Variants in POM121L2 observed in about 807,000 individuals in gnomAD.
The protein encoded by POM121L2 is POM121-like protein 2.
For missense variants in POM121L2, 1,167 were observed against 1,260.3 expected (o/e 0.93, Z 1.12); for synonymous variants, 459 against 483.8 (o/e 0.95, Z 0.67).
In POM121L2 at chr6:27,310,452, T is replaced by A. The variant is rs1398208653; in HGVS notation, c.1719A>T (p.Leu573Phe). The change falls in exon 1 of 1, where the codon TTA becomes TTT. Residue 573 changes from leucine (L) to phenylalanine (F), a missense_variant. Coordinates refer to ENST00000444565, the MANE Select transcript of POM121L2 (RefSeq NM_033482.4). ...ISSLSTIQGT[L>F]TPTFKPIFGS... ...CAAAGATAGGCTTGAAGGTAGGAGT[T>A]AAGGTACCCTGAATTGTGGAAAGGG... is the stretch of plus-strand genomic sequence containing the variant. The A allele has an allele frequency of 6.4e-7, 1 of 1,552,224 alleles. No individual in the cohort carries two copies. Among genetic ancestry groups the A allele is most frequent in the Non-Finnish European group, 8.7e-7 (1 of 1,147,118 alleles).
Position 27,312,051 on chromosome 6 carries a change from C to T in POM121L2, c.120G>A (p.Arg40=), listed in dbSNP as rs1036814771. 24 of 1,523,826 alleles carry T rather than the reference C, an allele frequency of 1.6e-5. No individual in the cohort carries two copies. In the African/African-American group the frequency reaches 2.9e-4, roughly 18 times the overall value. The allele number at this position is 1,523,826 out of a possible 1,614,324, so 94.4% of individuals were successfully genotyped here. A position where few individuals can be genotyped will look rare whatever the true frequency, so the allele number is the denominator to read the frequency against. The change falls in exon 1 of 1, where the codon CGG becomes CGA. Residue 40 remains arginine, a synonymous_variant. Coordinates refer to ENST00000444565, the MANE Select transcript of POM121L2 (RefSeq NM_033482.4). This position sits in a 1 kb window ranked among gnomAD's most constrained non-coding sequence, Gnocchi z 6.7. ...RPPQPLHQVH[R]VQFVHRAHPA... ...GGTGGGCGCGGTGGACGAACTGAAC[C>T]CGATGAACTTGGTGAAGGGGCTGAG... is the stretch of plus-strand genomic sequence containing the variant.
Position 27,311,502 on chromosome 6 carries a change from G to A in POM121L2, c.669C>T (p.Gly223=), listed in dbSNP as rs1561790860. ...GPLKRSLHSW[G]SDHSLTKRPN... ...GCCTCTTAGTCAAGCTGTGATCTGA[G>A]CCCCAGGAGTGGAGACTTCTCTTCA... The change falls in exon 1 of 1, where the codon GGC becomes GGT. Residue 223 remains glycine, a synonymous_variant. Transcript: ENST00000444565. The A allele has an allele frequency of 1.2e-5, 19 of 1,551,686 alleles. No homozygotes were observed. The highest frequency in any genetic ancestry group is 1.7e-5 in the Non-Finnish European group (19 of 1,147,024).
In POM121L2 at chr6:27,309,802, G is replaced by C. The variant is rs1156926104; in HGVS notation, c.2369C>G (p.Ala790Gly). Residue 790 changes from alanine (A) to glycine (G), a missense_variant, in exon 1 of 1, where the codon GCC becomes GGC. Transcript: ENST00000444565. ...AGAACTACTGACACTTGGCATAAGG[G>C]CTGGCTGGGAAGGCCCTTGTTTCTG... Reference protein sequence around the residue: ...NGQKQGPSQPALMPSVSSSFL... With the variant: ...NGQKQGPSQPGLMPSVSSSFL... The C allele has an allele frequency of 2.6e-6, 4 of 1,551,662 alleles. No homozygotes were observed. The Admixed American group carries it at 7.8e-5, about 30-fold the overall frequency.
Position 27,311,291 on chromosome 6 carries a change from G to T in POM121L2, c.880C>A (p.Arg294=), listed in dbSNP as rs779874635. The change falls in exon 1 of 1, where the codon CGG becomes AGG. Residue 294 remains arginine, a synonymous_variant. Coordinates refer to ENST00000444565, the MANE Select transcript of POM121L2 (RefSeq NM_033482.4). ...ACCAGTGGGACTGGAGAGGAAGGCC[G>T]ATGACAACTTTTTTCCTTTTTTATT... ...WPIKKEKSCH[R]PSSPVPLVSD... is the part of the protein sequence containing the mutation. 1.9e-6 allele frequency: 3 copies of T among 1,551,606 alleles called. No homozygotes were observed. The highest frequency in any genetic ancestry group is 2.6e-6 in the Non-Finnish European group (3 of 1,147,028).
rs564628828 is a variant in POM121L2 at position 27,310,235 on chromosome 6, C to G, written c.1936G>C (p.Val646Leu). ...TTGCCTACGGCACTGGTGACATTCA[C>G]TACACCAAAATCCAAAGGTGGCTTA... ...VFKPPLDFGV[V>L]NVTSAVGNTY... Residue 646 changes from valine to leucine, a missense_variant, in exon 1 of 1, where the codon GTG (valine) becomes CTG (leucine). By Grantham distance (32) the Val-to-Leu change is conservative. Coordinates refer to ENST00000444565, the MANE Select transcript of POM121L2 (RefSeq NM_033482.4). 3 of 1,552,390 alleles carry G rather than the reference C, an allele frequency of 1.9e-6. No homozygotes were observed. Among genetic ancestry groups the G allele is most frequent in the African/African-American group, 1.4e-5 (1 of 73,194 alleles).
chr6:27,312,087 T>C lies in POM121L2; in HGVS notation c.84A>G (p.Lys28=). ...GGTGAAGGGGCTGAGGTGGCCGGCG[T>C]TTCGTGGGCCTCTCGGGCAAGTCGG... The part of the protein sequence containing the change: ...VRTDLPERPT[K]RRPPQPLHQV... Residue 28 remains lysine (K), a synonymous_variant, in exon 1 of 1, where the codon AAA becomes AAG. Coordinates refer to ENST00000444565, the MANE Select transcript of POM121L2 (RefSeq NM_033482.4). The surrounding 1 kb of genome is among the most constrained non-coding windows in gnomAD (Gnocchi z 6.7). 6.7e-7 allele frequency: 1 copy of C among 1,485,126 alleles called. No homozygotes were observed. Among genetic ancestry groups the C allele is most frequent in the Non-Finnish European group, 9.0e-7 (1 of 1,115,720 alleles). 92.0% of individuals were successfully genotyped at this position (1,485,126 alleles called of 1,614,324 possible). A position where few individuals can be genotyped will look rare whatever the true frequency, so the allele number is the denominator to read the frequency against.
chr6:27,308,593 T>A lies in POM121L2; in HGVS notation c.*470A>T, dbSNP rs1467597379. On this transcript the variant is annotated 3_prime_UTR_variant, in exon 1 of 1. Coordinates refer to ENST00000444565, the MANE Select transcript of POM121L2 (RefSeq NM_033482.4). Reference sequence around the variant, plus strand: ...CATTATGCTGAGTGAAGGAAGCCAGTCTCCAAAGGTTACATACTGTTTGAT... The same window carrying A: ...CATTATGCTGAGTGAAGGAAGCCAGACTCCAAAGGTTACATACTGTTTGAT... Among the ~76,000 whole-genome samples the A allele has an allele frequency of 6.6e-6, 1 of 152,186 alleles. No homozygotes were observed. Among genetic ancestry groups the A allele is most frequent in the African/African-American group, 2.4e-5 (1 of 41,452 alleles).
rs1760715036 is a variant in POM121L2, at chr6:27,309,548, C to T, written c.2623G>A (p.Gly875Arg). 6.4e-7 allele frequency: 1 copy of T among 1,551,998 alleles called. No individual in the cohort carries two copies. The highest frequency in any genetic ancestry group is 8.7e-7 in the Non-Finnish European group (1 of 1,147,110). The change falls in exon 1 of 1, where the codon GGG becomes AGG. Residue 875 changes from glycine to arginine, a missense_variant. Coordinates refer to ENST00000444565, the MANE Select transcript of POM121L2 (RefSeq NM_033482.4). Reference protein sequence around the residue: ...FRIVIQTHQSGAFGSVFGSRA... With the variant: ...FRIVIQTHQSRAFGSVFGSRA... ...CTGCCAAACACTGAGCCAAAAGCCC[C>T]ACTTTGGTGGGTCTGAATTACAATT... is the stretch of plus-strand genomic sequence containing the variant.
rs1760703638 is a variant in POM121L2 at position 27,308,830 on chromosome 6, G to A, written c.*233C>T. On this transcript the variant is annotated 3_prime_UTR_variant, in exon 1 of 1. Coordinates refer to ENST00000444565, the MANE Select transcript of POM121L2 (RefSeq NM_033482.4). ...AGAGTGGACAGGAAGGGGAAGGCGA[G>A]GTTCTGTTCAAGTCCAATGGGTTTG... Among the ~76,000 whole-genome samples the A allele has an allele frequency of 6.6e-6, 1 of 152,152 alleles. No homozygotes were observed. Among genetic ancestry groups the A allele is most frequent in the African/African-American group, 2.4e-5 (1 of 41,426 alleles).
At position 27,310,854 on chromosome 6, in the gene POM121L2, G is replaced by C; in HGVS notation, c.1317C>G (p.Ser439Arg). 2 of 1,551,718 alleles carry C rather than the reference G, an allele frequency of 1.3e-6. No individual in the cohort carries two copies. The highest frequency in any genetic ancestry group is 1.7e-6 in the Non-Finnish European group (2 of 1,146,974). ...SVAHSPLKTP[S>R]LPTPPGCSQS... ...GTGAGCACCCAGGTGGGGTCGGTAG[G>C]CTGGGTGTCTTCAAAGGAGAATGGG... Residue 439 changes from serine to arginine, a missense_variant, in exon 1 of 1, where the codon AGC (serine) becomes AGG (arginine). By Grantham distance (110) the Ser-to-Arg change is moderately radical. Transcript: ENST00000444565.
chr6:27,309,279 C>T lies in POM121L2; in HGVS notation c.2892G>A (p.Lys964=). The T allele has an allele frequency of 6.4e-7, 1 of 1,551,584 alleles. No homozygotes were observed. Residue 964 remains lysine, a synonymous_variant, in exon 1 of 1, where the codon AAG becomes AAA. Transcript: ENST00000444565. ...SLGRGSISAR[K]TMAPIAQNTP... The stretch of plus-strand genomic sequence containing the variant: ...TGTTTTGAGCAATGGGGGCCATAGT[C>T]TTTCTTGCAGAAATGCTGCCTCTCC...
Position 27,311,838 on chromosome 6 carries a change from G to C in POM121L2, c.333C>G (p.Pro111=). 1 of 1,551,770 alleles carries C rather than the reference G, an allele frequency of 6.4e-7. No homozygotes were observed. The highest frequency in any genetic ancestry group is 8.7e-7 in the Non-Finnish European group (1 of 1,147,012). ...LKRTIWSLRH[P]RPIWSPVTIR... is the part of the protein sequence containing the mutation. ...TGGTCACTGGGCTCCAAATTGGCCTGGGATGTCGAAGAGACCAAATAGTCC... is the reference window on the plus strand; with the variant it reads ...TGGTCACTGGGCTCCAAATTGGCCTCGGATGTCGAAGAGACCAAATAGTCC... The change falls in exon 1 of 1, where the codon CCC becomes CCG. Residue 111 remains proline (P), a synonymous_variant. Coordinates refer to ENST00000444565, the MANE Select transcript of POM121L2 (RefSeq NM_033482.4).
chr6:27,311,526 C>T lies in POM121L2; in HGVS notation c.645G>A (p.Leu215=). The part of the protein sequence containing the change: ...LTSFVPRPGP[L]KRSLHSWGSD... ...AGCCCCAGGAGTGGAGACTTCTCTT[C>T]AGCGGCCCAGGCCTGGGCACAAAAG... Residue 215 remains leucine (L), a synonymous_variant, in exon 1 of 1, where the codon CTG becomes CTA. Coordinates refer to ENST00000444565, the MANE Select transcript of POM121L2 (RefSeq NM_033482.4). 6.4e-7 allele frequency: 1 copy of T among 1,551,774 alleles called. No individual in the cohort carries two copies. The highest frequency in any genetic ancestry group is 8.7e-7 in the Non-Finnish European group (1 of 1,147,022).
In POM121L2 at chr6:27,310,476, G is replaced by A. The variant is rs1760729580; in HGVS notation, c.1695C>T (p.Ser565=). ...TTAAGGTACCCTGAATTGTGGAAAG[G>A]GAAGAGATTGAAGATGCTGCAGCTG... The part of the protein sequence containing the change: ...SVTAAASSIS[S]LSTIQGTLTP... The change falls in exon 1 of 1, where the codon TCC becomes TCT. Residue 565 remains serine (S), a synonymous_variant. Coordinates refer to ENST00000444565, the MANE Select transcript of POM121L2 (RefSeq NM_033482.4). 5.8e-6 allele frequency: 9 copies of A among 1,552,176 alleles called. No homozygotes were observed. Among genetic ancestry groups the A allele is most frequent in the African/African-American group, 1.4e-5 (1 of 73,030 alleles).
Position 27,309,361 on chromosome 6 carries a change from T to C in POM121L2, c.2810A>G (p.Lys937Arg), listed in dbSNP as rs1315151284. ...GCCTTCAGTGTTCTGGCTCCAGCCT[T>C]TTCCAAAGGGGATCATGGTGTTAGT... ...GTTNTMIPFGKGWSQNTEGLP... is the reference protein window; with the variant it reads ...GTTNTMIPFGRGWSQNTEGLP... The change falls in exon 1 of 1, where the codon AAA becomes AGA. Residue 937 changes from lysine (K) to arginine (R), a missense_variant. Coordinates refer to ENST00000444565, the MANE Select transcript of POM121L2 (RefSeq NM_033482.4). The C allele has an allele frequency of 1.9e-6, 3 of 1,551,502 alleles. No homozygotes were observed. Among genetic ancestry groups the C allele is most frequent in the African/African-American group, 2.7e-5 (2 of 73,050 alleles).
Position 27,311,586 on chromosome 6 carries a change from T to G in POM121L2, c.585A>C (p.Ala195=). 1 of 1,551,764 alleles carries G rather than the reference T, an allele frequency of 6.4e-7. No homozygotes were observed. Among genetic ancestry groups the G allele is most frequent in the Non-Finnish European group, 8.7e-7 (1 of 1,147,012 alleles). The change falls in exon 1 of 1, where the codon GCA becomes GCC. Residue 195 remains alanine, a synonymous_variant. Coordinates refer to ENST00000444565, the MANE Select transcript of POM121L2 (RefSeq NM_033482.4). ...TTCCATTTTTCATCAGGGGCTTAAATGCCGATGGTCTGGTCTCTGGACTCC... is the reference window on the plus strand; with the variant it reads ...TTCCATTTTTCATCAGGGGCTTAAAGGCCGATGGTCTGGTCTCTGGACTCC... ...KRRSPETRPS[A]FKPLMKNGTL... is the part of the protein sequence containing the mutation.
chr6:27,311,866 T>G lies in POM121L2; in HGVS notation c.305A>C (p.Lys102Thr). The G allele has an allele frequency of 6.4e-7, 1 of 1,551,708 alleles. No individual in the cohort carries two copies. Among genetic ancestry groups the G allele is most frequent in the Non-Finnish European group, 8.7e-7 (1 of 1,146,990 alleles). The change falls in exon 1 of 1, where the codon AAG (lysine) becomes ACG (threonine). Residue 102 changes from lysine to threonine, a missense_variant. By Grantham distance (78) the Lys-to-Thr change is moderately conservative (BLOSUM62 -1). Transcript: ENST00000444565. Reference sequence around the variant, plus strand: ...ATGTCGAAGAGACCAAATAGTCCGCTTTAAGTAACTTTCCCACCAGTCTGA... The same window carrying G: ...ATGTCGAAGAGACCAAATAGTCCGCGTTAAGTAACTTTCCCACCAGTCTGA... Reference protein sequence around the residue: ...LPSDWWESYLKRTIWSLRHPR... With the variant: ...LPSDWWESYLTRTIWSLRHPR...
rs1760715319 is a variant in POM121L2, at chr6:27,309,563, GAATTAC to G, written c.2602_2607del (p.Val868_Ile869del). ...CCAAAAGCCCCACTTTGGTGGGTCT[GAATTAC>G]AATTCTAAACCCAGTTGTACTAGCT... On this transcript the variant is annotated inframe_deletion, in exon 1 of 1. Coordinates refer to ENST00000444565, the MANE Select transcript of POM121L2 (RefSeq NM_033482.4). The G allele has an allele frequency of 6.4e-7, 1 of 1,552,048 alleles. No individual in the cohort carries two copies. The highest frequency in any genetic ancestry group is 8.7e-7 in the Non-Finnish European group (1 of 1,147,082).
rs989999100 is a variant in POM121L2 at position 27,310,013 on chromosome 6, T to C, written c.2158A>G (p.Asn720Asp). The change falls in exon 1 of 1, where the codon AAT (asparagine) becomes GAT (aspartate). Residue 720 changes from asparagine (N) to aspartate (D), a missense_variant. By Grantham distance (23) the Asn-to-Asp change is conservative (BLOSUM62 1). Transcript: ENST00000444565. Reference protein sequence around the residue: ...VQISPRSSTANFRGMGSPLPA... With the variant: ...VQISPRSSTADFRGMGSPLPA... The stretch of plus-strand genomic sequence containing the variant: ...AGAGGGCTGCCCATACCCCTGAAAT[T>C]AGCAGTGCTGCTTCTAGGGGATATC... The C allele has an allele frequency of 2.6e-6, 4 of 1,551,934 alleles. No homozygotes were observed. The highest frequency in any genetic ancestry group is 3.5e-6 in the Non-Finnish European group (4 of 1,147,076).
Sources: allele counts gnomAD v4.1 joint callset (sites outside exome capture counted in the v4.1 genomes callset), GRCh38; gene constraint gnomAD v4.1.1; non-coding constraint Gnocchi (gnomAD v3.1); transcripts MANE v1.5; gene names NCBI Gene and HGNC (gene_info 2026-07-23, HGNC 2026-07-21).